MEF2C: variants seen among roughly 807,000 people sequenced by gnomAD.
The protein encoded by MEF2C is myocyte-specific enhancer factor 2C.
A neutral mutation model predicts 50.5 loss-of-function variants in MEF2C; 6 were observed. That is an observed-to-expected ratio of 0.12 (90% CI 0.07 to 0.23). The LOEUF (loss-of-function observed/expected upper bound fraction) is 0.23. Among genes scored for constraint, MEF2C ranks in the 10% least tolerant of loss-of-function variants. MEF2C has a pLI of 1.00. For missense variants in MEF2C, 276 were observed against 605.0 expected, an observed-to-expected ratio of 0.46 and a Z score of 5.70; for synonymous variants, 183 against 228.0, an observed-to-expected ratio of 0.80 and a Z score of 1.78.
At chr5:88,773,220 G>T (rs1393500398) in intron 3 of MEF2C, among the ~76,000 whole-genome samples, 1 of 152,204 alleles carries the variant, frequency 6.6e-6, no homozygotes, top group Non-Finnish European at 1.5e-5. Context: ...GTCGATGAAA[G>T]AATAATGGAA....
At chr5:88,739,859 G>A in intron 6 of MEF2C, 1 of 985,132 alleles carries the variant, frequency 1.0e-6, no homozygotes, top group African/African-American at 1.7e-5. Flanking sequence ...GTAGAAAGGG[G>A]GCAAATCAGA....
intron 1 of MEF2C, chr5:88,838,531 C>G: frequency 1.2e-5 from 12 of 982,968 alleles, no homozygotes; most frequent in Non-Finnish European, 1.4e-5. Context: ...GTCATTTTCA[C>G]TTATGATGAA....
chr5:88,780,237 T>G (rs1220694339), intron 3 of MEF2C, among the ~76,000 whole-genome samples: 2 of 152,220 alleles, frequency 1.3e-5, no homozygotes, highest in Admixed American at 1.3e-4. Flanking sequence ...CAAACGCAAT[T>G]GTGGAAAACA....
chr5:88,799,791 T>A (rs1285319874), intron 3 of MEF2C, among the ~76,000 whole-genome samples: 3 of 151,748 alleles, frequency 2.0e-5, no homozygotes, highest in Admixed American at 6.6e-5. Context: ...TAATAAAATA[T>A]CAGGTAAATA....
chr5:88,761,044 T>C (rs1022906851), intron 4 of MEF2C, 141 bp downstream of exon 4: 1 of 1,611,284 alleles, frequency 6.2e-7, no homozygotes, highest in Non-Finnish European at 8.5e-7. Context: ...TTTTTGTATT[T>C]TTCTTCAGTG....
chr5:88,840,456 A>C (rs1022561002), intron 1 of MEF2C, among the ~76,000 whole-genome samples: 1 of 152,212 alleles, frequency 6.6e-6, no homozygotes, highest in African/African-American at 2.4e-5. Flanking sequence ...AAATATACAT[A>C]GTCCTTGAAA....
At chr5:88,875,126 G>C (rs1231853238) in intron 1 of MEF2C, among the ~76,000 whole-genome samples, 1 of 151,958 alleles carries the variant, frequency 6.6e-6, no homozygotes, top group African/African-American at 2.4e-5. Flanking sequence ...TTTTTAAGGA[G>C]AAGTACAAGC....
rs1207078083 is a variant in MEF2C at position 88,822,048 on chromosome 5, T to C, written c.54+1687A>G. ...TATTCCATATTATATACAACTATTATGTACCCATAATTAAAAATAGAAATT... is the reference window on the plus strand; with the variant it reads ...TATTCCATATTATATACAACTATTACGTACCCATAATTAAAAATAGAAATT... On this transcript the variant is annotated intron_variant, in intron 2 of 10. Transcript: ENST00000504921. Among the ~76,000 whole-genome samples, 4 of 151,952 alleles carry C rather than the reference T, an allele frequency of 2.6e-5. No individual in the cohort carries two copies. In the South Asian group the frequency reaches 6.2e-4, roughly 24 times the overall value.
intron 2 of MEF2C, among the ~76,000 whole-genome samples, chr5:88,812,610 TC>T (rs10717525): frequency 0.21 from 31,622 of 152,012 alleles, 3,544 homozygotes; most frequent in Middle Eastern, 0.31. Context: ...GATAATTTTT[TC>T]TAAGAAGTTC....
intron 6 of MEF2C, among the ~76,000 whole-genome samples, chr5:88,732,320 G>A (rs1230860476): frequency 6.6e-6 from 1 of 152,150 alleles, no homozygotes; most frequent in Non-Finnish European, 1.5e-5. Flanking sequence ...GTGTCTGTGT[G>A]TCCTTAAATG....
At chr5:88,751,090 G>A in intron 5 of MEF2C, 1 of 983,118 alleles carries the variant, frequency 1.0e-6, no homozygotes, top group Non-Finnish European at 1.2e-6. Context: ...AGCAAATCAA[G>A]AGAACATTCT....
chr5:88,794,737 A>G lies in MEF2C; in HGVS notation c.258+9861T>C, dbSNP rs1368746655. ...TGCCCATGCCTATGGCCTGAATGGTATTGCCTAGGTTTTCTTCCAGGGTTT... is the reference window on the plus strand; with the variant it reads ...TGCCCATGCCTATGGCCTGAATGGTGTTGCCTAGGTTTTCTTCCAGGGTTT... On this transcript the variant is annotated intron_variant, in intron 3 of 10. Transcript: ENST00000504921. Among the ~76,000 whole-genome samples, 4 of 152,054 alleles carry G rather than the reference A, an allele frequency of 2.6e-5. No individual in the cohort carries two copies. The East Asian group carries it at 5.8e-4, about 22-fold the overall frequency.
chr5:88,816,465 C>CTTTTTTTTTTTTTTTTTT (rs70996497), intron 2 of MEF2C, among the ~76,000 whole-genome samples: 4 of 86,136 alleles, frequency 4.6e-5, no homozygotes, highest in Non-Finnish European at 6.6e-5. Flanking sequence ...CTGCCTACTG[C>CTTTTTTTTTTTTTTTTTT]TTTTTTTTTT....
At chr5:88,741,935 T>A in intron 6 of MEF2C, 1 of 985,244 alleles carries the variant, frequency 1.0e-6, no homozygotes, top group Non-Finnish European at 1.2e-6. Flanking sequence ...GTTCTTGGTA[T>A]AATACTTAAG....
At position 88,747,086 on chromosome 5, in the gene MEF2C, A is replaced by G. The variant is rs528409311; in HGVS notation, c.637+1984T>C. On this transcript the variant is annotated intron_variant, in intron 6 of 10. Coordinates refer to ENST00000504921, the MANE Select transcript of MEF2C (RefSeq NM_002397.5). ...TAAGTGCATAAGATTTTGTTAGTTC[A>G]ATGTTACTATATCCTACGTGTGTCA... is the stretch of plus-strand genomic sequence containing the variant. Among the ~76,000 whole-genome samples the G allele has an allele frequency of 2.6e-5, 4 of 152,206 alleles. No individual in the cohort carries two copies. The South Asian group carries it at 8.3e-4, about 31-fold the overall frequency.
chr5:88,874,526 G>T (rs1460966174), intron 1 of MEF2C, among the ~76,000 whole-genome samples: 1 of 151,856 alleles, frequency 6.6e-6, no homozygotes, highest in Non-Finnish European at 1.5e-5. Flanking sequence ...TTGAAAAAGT[G>T]CCAGGTGTAG....
At chr5:88,749,821 G>A (rs956682280) in intron 5 of MEF2C, among the ~76,000 whole-genome samples, 7 of 152,140 alleles carry the variant, frequency 4.6e-5, no homozygotes, top group Non-Finnish European at 7.4e-5. Context: ...ACGAGGTCAG[G>A]AGATAGAGAC....
At chr5:88,873,943 T>G (rs946800728) in intron 1 of MEF2C, among the ~76,000 whole-genome samples, 1 of 151,980 alleles carries the variant, frequency 6.6e-6, no homozygotes, top group African/African-American at 2.4e-5. Flanking sequence ...AGGTCTGGAT[T>G]TATATAGTAC....
intron 1 of MEF2C, among the ~76,000 whole-genome samples, chr5:88,901,920 T>C (rs1835696777): frequency 6.6e-6 from 1 of 151,992 alleles, no homozygotes; most frequent in Admixed American, 6.6e-5. Context: ...TCCAGTAGCT[T>C]CATTTATACT....
Sources: allele counts gnomAD v4.1 joint callset (sites outside exome capture counted in the v4.1 genomes callset), GRCh38; gene constraint gnomAD v4.1.1; transcripts MANE v1.5; gene names NCBI Gene and HGNC (gene_info 2026-07-23, HGNC 2026-07-21).